Variants in DFFB observed in about 807,000 individuals in gnomAD.
The protein encoded by DFFB is DNA fragmentation factor 40 kDa subunit.
DFFB carries 29 observed loss-of-function variants against 32.7 expected under a neutral mutation model. The ratio of observed to expected loss-of-function variants is 0.89; its 90% CI spans 0.66 to 1.21. The LOEUF is 1.21. Ranked by LOEUF, DFFB falls within the 50% of genes most tolerant of loss-of-function variation. The probability of loss-of-function intolerance (pLI) is 0.00; values close to 1 mark genes in which losing one functional copy is unlikely to be tolerated. For synonymous variants in DFFB, 170 were observed against 177.1 expected, an observed-to-expected ratio of 0.96 and a Z score of 0.32; for missense variants, 398 against 440.6, an observed-to-expected ratio of 0.90 and a Z score of 0.87.
At position 3,857,671 on chromosome 1, in the gene DFFB, G is replaced by A; in HGVS notation, c.68G>A (p.Gly23Asp). The stretch of plus-strand genomic sequence containing the variant: ...AGCCCGAGGAAGTTCGGCGTGGCTG[G>A]CCGGAGCTGCCAGGAGGTGCTGCGC... Reference protein sequence around the residue: ...LRSPRKFGVAGRSCQEVLRKG... With the variant: ...LRSPRKFGVADRSCQEVLRKG... Residue 23 changes from glycine to aspartate, a missense_variant, in exon 1 of 7, where the codon GGC (glycine) becomes GAC (aspartate). Coordinates refer to ENST00000378209, the MANE Select transcript of DFFB (RefSeq NM_004402.4). 6.3e-7 allele frequency: 1 copy of A among 1,594,326 alleles called. No individual in the cohort carries two copies. Among genetic ancestry groups the A allele is most frequent in the Non-Finnish European group, 8.5e-7 (1 of 1,171,352 alleles).
rs1050272270 is a variant in DFFB at position 3,868,658 on chromosome 1, G to A, written c.510+605G>A. 3.1e-3 allele frequency among the ~76,000 whole-genome samples: 16 copies of A among 5,144 alleles called. 1 individual carries two copies. The highest frequency in any genetic ancestry group is 7.9e-3 in the African/African-American group (7 of 882). The allele number at this position is 5,144 out of a possible 152,430, so 3.4% of individuals were successfully genotyped here. On this transcript the variant is annotated intron_variant, in intron 4 of 6. Transcript: ENST00000378209. ...CACCACACCAAGCCACACCACACCA[G>A]GCCACACCACACCACACCACGCCAC...
At position 3,861,012 on chromosome 1, in the gene DFFB, G is replaced by A. The variant is rs553277147; in HGVS notation, c.241+2168G>A. On this transcript the variant is annotated intron_variant, in intron 2 of 6. Coordinates refer to ENST00000378209, the MANE Select transcript of DFFB (RefSeq NM_004402.4). ...TCTACTAAAAATACAAAAATTAGCTGGGCATGGTGGCGGGCGCTTGTAATC... is the reference window on the plus strand; with the variant it reads ...TCTACTAAAAATACAAAAATTAGCTAGGCATGGTGGCGGGCGCTTGTAATC... Among the ~76,000 whole-genome samples the A allele has an allele frequency of 1.8e-4, 28 of 152,158 alleles. 1 individual carries two copies. The East Asian group carries it at 5.2e-3, about 28-fold the overall frequency.
chr1:3,870,421 A>G (rs990389451), intron 5 of DFFB, among the ~76,000 whole-genome samples: 1 of 152,182 alleles, frequency 6.6e-6, no homozygotes, highest in Non-Finnish European at 1.5e-5. Flanking sequence ...CCCATGGGAC[A>G]GGGCTCCTTG....
chr1:3,881,954 C>T (rs1645347534), intron 6 of DFFB, among the ~76,000 whole-genome samples: 1 of 152,148 alleles, frequency 6.6e-6, no homozygotes, highest in South Asian at 2.1e-4. Flanking sequence ...ACTCAACACC[C>T]ACCATAAGCC....
chr1:3,864,692 A>T (rs1644941700), intron 2 of DFFB, among the ~76,000 whole-genome samples: 1 of 151,800 alleles, frequency 6.6e-6, no homozygotes, highest in Non-Finnish European at 1.5e-5. Context: ...TGTGCCGCTA[A>T]TTATTATGAT....
chr1:3,865,797 TC>T lies in DFFB; in HGVS notation c.242-12del, dbSNP rs907412057. ...CTGCTGGACCGGCACCTTTTGTTTG[TC>T]CCATTGGTGGCAGATGTGAGCGACA... On this transcript the variant is annotated splice_polypyrimidine_tract_variant and intron_variant, in intron 2 of 6. Transcript: ENST00000378209. This position sits in a 1 kb window ranked among gnomAD's most constrained non-coding sequence, Gnocchi z 4.7. 1 of 1,614,062 alleles carries T rather than the reference TC, an allele frequency of 6.2e-7. No individual in the cohort carries two copies. Among genetic ancestry groups the T allele is most frequent in the African/African-American group, 1.3e-5 (1 of 75,008 alleles).
intron 6 of DFFB, among the ~76,000 whole-genome samples, chr1:3,879,811 A>G (rs903555019): frequency 1.3e-5 from 2 of 152,194 alleles, no homozygotes; most frequent in African/African-American, 2.4e-5. Context: ...AAAGAGCCCA[A>G]AAGAAGTGCT....
At chr1:3,881,433 T>C (rs1391415077) in intron 6 of DFFB, among the ~76,000 whole-genome samples, 3 of 152,220 alleles carry the variant, frequency 2.0e-5, no homozygotes, top group South Asian at 2.1e-4. Context: ...CGGTCCCACC[T>C]CCCTGTCTTT....
intron 5 of DFFB, among the ~76,000 whole-genome samples, chr1:3,870,275 C>T (rs1434719978): frequency 6.6e-6 from 1 of 152,194 alleles, no homozygotes; most frequent in Non-Finnish European, 1.5e-5. Context: ...TGGGGAGCAA[C>T]TTGAGGCGCC....
At position 3,869,613 on chromosome 1, in the gene DFFB, C is replaced by T; in HGVS notation, c.519C>T (p.Ser173=). ...RIRSYLREVS[S]YPSTVGAEAQ... is the part of the protein sequence containing the mutation. ...TTCCTTGGTTCCTCCAGGTGAGCTC[C>T]TACCCCTCCACGGTGGGTGCGGAGG... The change falls in exon 5 of 7, where the codon TCC becomes TCT. Residue 173 remains serine (S), a synonymous_variant. Transcript: ENST00000378209. 6.2e-7 allele frequency: 1 copy of T among 1,610,666 alleles called. No individual in the cohort carries two copies. Among genetic ancestry groups the T allele is most frequent in the Non-Finnish European group, 8.5e-7 (1 of 1,178,746 alleles).
intron 3 of DFFB, among the ~76,000 whole-genome samples, chr1:3,867,089 A>G (rs1315482669): frequency 2.6e-5 from 4 of 152,052 alleles, no homozygotes; most frequent in Non-Finnish European, 5.9e-5. Flanking sequence ...GTAGAGACGG[A>G]GTTTCACTGT....
In DFFB at chr1:3,858,978, C is replaced by T. The variant is rs1644824197; in HGVS notation, c.241+134C>T. 3.0e-6 allele frequency: 4 copies of T among 1,341,596 alleles called. No individual in the cohort carries two copies. The South Asian group carries it at 4.3e-5, about 15-fold the overall frequency. 83.1% of individuals were successfully genotyped at this position (1,341,596 alleles called of 1,614,324 possible). A position where few individuals can be genotyped will look rare whatever the true frequency, so the allele number is the denominator to read the frequency against. On this transcript the variant is annotated intron_variant, in intron 2 of 6. Transcript: ENST00000378209. Reference sequence around the variant, plus strand: ...ACTCTCGGGTCTCAAGGAGGAAGCCCTCTGGAGGCAGAACTGGTCAGCGTC... The same window carrying T: ...ACTCTCGGGTCTCAAGGAGGAAGCCTTCTGGAGGCAGAACTGGTCAGCGTC...
chr1:3,868,612 AGAC>A (rs1557716019), intron 4 of DFFB, among the ~76,000 whole-genome samples: 26 of 151,786 alleles, frequency 1.7e-4, no homozygotes, highest in East Asian at 7.7e-4. Flanking sequence ...ACACCATACC[AGAC>A]CACACCACAC....
At chr1:3,882,704 C>T (rs573617199) in intron 6 of DFFB, among the ~76,000 whole-genome samples, 6 of 152,108 alleles carry the variant, frequency 3.9e-5, no homozygotes, top group South Asian at 2.1e-4. Flanking sequence ...ATGCATATAA[C>T]GGTATAAGAT....
chr1:3,866,737 G>A (rs185792803), intron 3 of DFFB, among the ~76,000 whole-genome samples: 84 of 151,776 alleles, frequency 5.5e-4, no homozygotes, highest in African/African-American at 1.7e-3. Context: ...TTCCCCCTCC[G>A]CCAGCCCCTG....
At chr1:3,870,127 A>G (rs1344826084) in intron 5 of DFFB, among the ~76,000 whole-genome samples, 5 of 152,212 alleles carry the variant, frequency 3.3e-5, no homozygotes, top group Non-Finnish European at 7.4e-5. Context: ...GGAGGCTGGA[A>G]GCTGAGATCA....
intron 5 of DFFB, among the ~76,000 whole-genome samples, chr1:3,871,108 C>T (rs76560640): frequency 0.013 from 1,928 of 152,110 alleles, 48 homozygotes; most frequent in African/African-American, 0.044. Context: ...GCTTCTCACG[C>T]GCTGGTCCTG....
At position 3,878,753 on chromosome 1, in the gene DFFB, A is replaced by G. The variant is rs74048346; in HGVS notation, c.783-4754A>G. On this transcript the variant is annotated intron_variant, in intron 6 of 6. Coordinates refer to ENST00000378209, the MANE Select transcript of DFFB (RefSeq NM_004402.4). ...TTCTTTAGTGTTCGTGTCTCACCTT[A>G]TTTTAATCCTGCACAAAATGCTGGT... 5.0e-3 allele frequency among the ~76,000 whole-genome samples: 766 copies of G among 152,210 alleles called. 10 individuals carry two copies. Among genetic ancestry groups the G allele is most frequent in the African/African-American group, 0.017 (712 of 41,500 alleles).
At chr1:3,860,383 C>T (rs569811526) in intron 2 of DFFB, 18 of 402,328 alleles carry the variant, frequency 4.5e-5, no homozygotes, top group Admixed American at 1.2e-4. Context: ...TGCATTACCA[C>T]GTCTGGCTAA....
Sources: allele counts gnomAD v4.1 joint callset (sites outside exome capture counted in the v4.1 genomes callset), GRCh38; gene constraint gnomAD v4.1.1; non-coding constraint Gnocchi (gnomAD v3.1); transcripts MANE v1.5; gene names NCBI Gene and HGNC (gene_info 2026-07-23, HGNC 2026-07-21).